FANCD2OS: variants seen among roughly 807,000 people sequenced by gnomAD.
FANCD2OS encodes FANCD2 opposite strand.
In FANCD2OS, 11 loss-of-function variants were observed where a neutral mutation model predicts 13.2. That is an observed-to-expected ratio of 0.83 (90% CI 0.52 to 1.38). FANCD2OS has a LOEUF of 1.38. Ranked by LOEUF, FANCD2OS falls within the 40% of genes most tolerant of loss-of-function variation. FANCD2OS has a pLI of 0.00. For missense variants in FANCD2OS, 217 were observed against 213.9 expected, an observed-to-expected ratio of 1.01 and a Z score of -0.09; for synonymous variants, 69 against 84.5, an observed-to-expected ratio of 0.82 and a Z score of 1.01.
chr3:10,102,572 C>A (rs985836714), downstream of FANCD2OS, among the ~76,000 whole-genome samples: 2 of 151,726 alleles, frequency 1.3e-5, no homozygotes, highest in South Asian at 2.1e-4. Flanking sequence ...CGCCTGTAAT[C>A]CCAGCACTTT....
chr3:10,086,731 G>A (rs980087400), intron 2 of FANCD2OS, among the ~76,000 whole-genome samples: 2 of 152,204 alleles, frequency 1.3e-5, no homozygotes, highest in Non-Finnish European at 2.9e-5. Flanking sequence ...GCCTGTCTCA[G>A]CCTAGCAAAG....
chr3:10,101,398 TTTTTA>T, downstream of FANCD2OS: 1 of 676,004 alleles, frequency 1.5e-6, no homozygotes, highest in Non-Finnish European at 2.5e-6. Context: ...TTTTTTTTTT[TTTTTA>T]AAGACGGGGA....
downstream of FANCD2OS, chr3:10,102,019 T>C (rs1695321320): frequency 5.7e-6 from 1 of 173,934 alleles, no homozygotes; most frequent in Admixed American, 6.4e-5. Context: ...AGAGAAATTA[T>C]GGAGACTGGT....
chr3:10,085,909 G>A lies in FANCD2OS; in HGVS notation c.*44-4378C>T. 2.5e-6 allele frequency: 4 copies of A among 1,610,338 alleles called. No individual in the cohort carries two copies. In the South Asian group the frequency reaches 4.4e-5, roughly 18 times the overall value. ...ACAGGGAGAACACAGCCAGCCTTTG[G>A]AGGAACTACTCAGGTGAGTCATAAC... On this transcript the variant is annotated intron_variant, in intron 2 of 2. Transcript: ENST00000524279.
At chr3:10,092,327 T>C (rs1694666350) in intron 2 of FANCD2OS, 1 of 1,140,652 alleles carries the variant, frequency 8.8e-7, no homozygotes, top group Non-Finnish European at 1.3e-6. Context: ...CAAAATGGAC[T>C]TTCCTTGCTC....
downstream of FANCD2OS, chr3:10,101,106 G>C (rs996062177): frequency 2.9e-6 from 3 of 1,020,250 alleles, no homozygotes; most frequent in Non-Finnish European, 4.6e-6. Context: ...TAGTACAGTT[G>C]TGTATCCTCT....
At chr3:10,101,145 G>A, downstream of FANCD2OS, 1 of 1,420,576 alleles carries the variant, frequency 7.0e-7, no homozygotes, top group Non-Finnish European at 1.0e-6. Flanking sequence ...GTCACCCAGA[G>A]CAGTAACCTA....
At chr3:10,104,869 A>G (rs1247355620) in intron 1 of FANCD2OS, 87 bp from the exon 2 acceptor site, 18 of 1,202,626 alleles carry the variant, frequency 1.5e-5, no homozygotes, top group African/African-American at 3.0e-5. Context: ...CTGTCTCACT[A>G]TAGACATAAA....
downstream of FANCD2OS, chr3:10,103,935 T>A (rs1053860329): frequency 6.8e-6 from 2 of 293,890 alleles, no homozygotes. Flanking sequence ...TGTAGGTGTT[T>A]ATGTGAGTTC....
At chr3:10,085,747 C>A in intron 2 of FANCD2OS, 1 of 1,028,332 alleles carries the variant, frequency 9.7e-7, no homozygotes, top group Non-Finnish European at 1.5e-6. Flanking sequence ...AGGCCAGGAT[C>A]CTTAAATACT....
Position 10,081,567 on chromosome 3 carries a change from C to T in FANCD2OS, c.*44-36G>A, listed in dbSNP as rs1693837490. The T allele has an allele frequency of 4.6e-6, 4 of 861,032 alleles. No homozygotes were observed. In the Admixed American group the frequency reaches 6.8e-5, roughly 15 times the overall value. 53.3% of individuals were successfully genotyped at this position (861,032 alleles called of 1,614,324 possible). ...GAAAAGAAAGAAAAGGTTCAAAAAT[C>T]TTATGTGAATATGGTTCATTAATTT... On this transcript the variant is annotated intron_variant, in intron 2 of 2. Transcript: ENST00000524279.
At chr3:10,092,057 T>A (rs1694644098) in intron 2 of FANCD2OS, 1 of 812,584 alleles carries the variant, frequency 1.2e-6, no homozygotes, top group South Asian at 1.3e-5. Context: ...GGTTGCTACA[T>A]CTAAGGATAA....
chr3:10,108,008 T>TC lies in FANCD2OS; in HGVS notation c.-9+6dup, dbSNP rs1695548884. 6.6e-6 allele frequency: 1 copy of TC among 152,306 alleles called. No homozygotes were observed. Among genetic ancestry groups the TC allele is most frequent in the Non-Finnish European group, 1.5e-5 (1 of 68,116 alleles). The allele number at this position is 152,306 out of a possible 1,614,324, so 9.4% of individuals were successfully genotyped here. A position where few individuals can be genotyped will look rare whatever the true frequency, so the allele number is the denominator to read the frequency against. Reference sequence around the variant, plus strand: ...TTCCAAGGAACCCCATCTCTTGATTTCCCCACCTGGGAAACAGGGCGTTAG... The same window carrying TC: ...TTCCAAGGAACCCCATCTCTTGATTTCCCCCACCTGGGAAACAGGGCGTTAG... On this transcript the variant is annotated splice_region_variant and intron_variant, in intron 1 of 1. Coordinates refer to ENST00000450660, the MANE Select transcript of FANCD2OS (RefSeq NM_001164839.2).
At chr3:10,098,651 A>T, downstream of FANCD2OS, 1 of 1,577,938 alleles carries the variant, frequency 6.3e-7, no homozygotes, top group Non-Finnish European at 8.6e-7. Context: ...CTGTAAACTC[A>T]ACCTTCTCCC....
intron 2 of FANCD2OS, among the ~76,000 whole-genome samples, chr3:10,087,792 G>T (rs1468258950): frequency 6.6e-6 from 1 of 151,984 alleles, no homozygotes; most frequent in African/African-American, 2.4e-5. Flanking sequence ...GGGATTACAG[G>T]TGCGCACCAC....
chr3:10,090,108 T>C (rs1269832424), intron 2 of FANCD2OS, among the ~76,000 whole-genome samples: 1 of 152,214 alleles, frequency 6.6e-6, no homozygotes, highest in Admixed American at 6.5e-5. Context: ...TTCCATTGTT[T>C]GACAGGCAAT....
chr3:10,092,684 C>CTTT lies in FANCD2OS; in HGVS notation c.*44-11156_*44-11154dup, dbSNP rs565351425. On this transcript the variant is annotated intron_variant, in intron 2 of 2. Transcript: ENST00000524279. Reference sequence around the variant, plus strand: ...CCTTGTCTCTCCACCTCTTTCATGTCTTTTTTTTTTTTTTTTTTTTTTTTT... The same window carrying CTTT: ...CCTTGTCTCTCCACCTCTTTCATGTCTTTTTTTTTTTTTTTTTTTTTTTTTTTT... Among the ~76,000 whole-genome samples the CTTT allele has an allele frequency of 5.6e-5, 4 of 72,050 alleles. 1 individual carries two copies. Among genetic ancestry groups the CTTT allele is most frequent in the Non-Finnish European group, 4.7e-5 (2 of 42,438 alleles). The allele number at this position is 72,050 out of a possible 152,430, so 47.3% of individuals were successfully genotyped here.
In FANCD2OS at chr3:10,104,848, A is replaced by C. The variant is rs977204079; in HGVS notation, c.-8-66T>G. The C allele has an allele frequency of 2.8e-6, 4 of 1,405,532 alleles. No individual in the cohort carries two copies. The African/African-American group carries it at 5.7e-5, about 20-fold the overall frequency. The allele number at this position is 1,405,532 out of a possible 1,614,324, so 87.1% of individuals were successfully genotyped here. On this transcript the variant is annotated intron_variant, in intron 1 of 1. Coordinates refer to ENST00000450660, the MANE Select transcript of FANCD2OS (RefSeq NM_001164839.2). ...CTTTTCATGAGAGCATGGCCTTTCA[A>C]ATTCCCATCTCTGTCTCACTATAGA... is the stretch of plus-strand genomic sequence containing the variant.
At chr3:10,105,522 G>A (rs949390977) in intron 1 of FANCD2OS, among the ~76,000 whole-genome samples, 6 of 151,630 alleles carry the variant, frequency 4.0e-5, no homozygotes, top group South Asian at 2.1e-4. Flanking sequence ...AGGCTGAGGC[G>A]GGCGGATCAC....
Sources: gnomAD v4.1 joint callset for allele counts (sites outside exome capture counted in the v4.1 genomes callset) on GRCh38, gnomAD v4.1.1 for gene constraint, MANE v1.5 for transcripts, NCBI Gene and HGNC (gene_info 2026-07-23, HGNC 2026-07-21) for gene names.